The following FAM193A variants were observed in gnomAD, a reference collection of about 807,000 sequenced individuals.
The protein encoded by FAM193A is protein FAM193A.
Under a neutral mutation model 126.5 loss-of-function variants are expected in FAM193A, and 22 were observed. The ratio of observed to expected loss-of-function variants is 0.17; its 90% confidence interval spans 0.12 to 0.25. The LOEUF (loss-of-function observed/expected upper bound fraction) is 0.25, where lower values mean the gene tolerates loss of function less well. Ranked by LOEUF, FAM193A falls within the 10% of genes least tolerant of loss-of-function variation. The pLI, the probability that FAM193A is intolerant of heterozygous loss-of-function variation, is 1.00. For synonymous variants in FAM193A, 761 were observed against 646.8 expected, an observed-to-expected ratio of 1.18 and a Z score of -2.68; for missense variants, 1,675 against 1,672.8, an observed-to-expected ratio of 1.00 and a Z score of -0.02.
intron 2 of FAM193A, among the ~76,000 whole-genome samples, chr4:2,616,727 TTTTG>T (rs1178745351): frequency 6.6e-6 from 1 of 151,690 alleles, no homozygotes; most frequent in East Asian, 2.0e-4. Flanking sequence ...ACCCAGCTAA[TTTTG>T]TTTTTGTATT....
In FAM193A at chr4:2,640,572, G is replaced by A. The variant is rs79781166; in HGVS notation, c.1163+713G>A. On this transcript the variant is annotated intron_variant, in intron 6 of 20. Transcript: ENST00000637812. ...ATGAGCTACCACAGGTCTGCAGTTT[G>A]GTGATTTTGTTCTTTGGTGTTTTAT... Among the ~76,000 whole-genome samples the A allele has an allele frequency of 4.4e-3, 664 of 152,280 alleles. 6 individuals carry two copies. The highest frequency in any genetic ancestry group is 7.4e-3 in the Non-Finnish European group (502 of 68,024).
At chr4:2,662,252 G>A (rs958066357) in intron 10 of FAM193A, among the ~76,000 whole-genome samples, 1 of 152,158 alleles carries the variant, frequency 6.6e-6, no homozygotes, top group African/African-American at 2.4e-5. Flanking sequence ...TAGATGTCTT[G>A]CTAAAGCTGA....
intron 7 of FAM193A, among the ~76,000 whole-genome samples, chr4:2,649,715 T>C (rs563882676): frequency 2.8e-4 from 43 of 152,316 alleles, no homozygotes; most frequent in Admixed American, 7.8e-4. Flanking sequence ...AAATAGTCCC[T>C]GTGTTGGTAT....
At chr4:2,714,068 A>C (rs775803480) in intron 19 of FAM193A, among the ~76,000 whole-genome samples, 9 of 152,314 alleles carry the variant, frequency 5.9e-5, no homozygotes, top group Admixed American at 5.2e-4. Context: ...TCCAGCAGAC[A>C]TGCCAGCTCT....
intron 4 of FAM193A, among the ~76,000 whole-genome samples, chr4:2,629,582 A>G (rs981425995): frequency 1.3e-5 from 2 of 152,212 alleles, no homozygotes; most frequent in African/African-American, 4.8e-5. Flanking sequence ...ACAGGTGACA[A>G]CTTTCTTTTC....
At chr4:2,596,509 G>A (rs1487796586) in intron 2 of FAM193A, among the ~76,000 whole-genome samples, 180 bp downstream of exon 2, 1 of 152,240 alleles carries the variant, frequency 6.6e-6, no homozygotes, top group Non-Finnish European at 1.5e-5. Flanking sequence ...CACTGCAGTA[G>A]GTGGCAGGAC....
chr4:2,586,799 G>A (rs1020103084), intron 1 of FAM193A, among the ~76,000 whole-genome samples: 1 of 152,122 alleles, frequency 6.6e-6, no homozygotes, highest in African/African-American at 2.4e-5. Flanking sequence ...GACTACAGGT[G>A]CATGCCACTA....
intron 5 of FAM193A, among the ~76,000 whole-genome samples, chr4:2,634,822 C>T (rs1195375162): frequency 6.6e-6 from 1 of 152,132 alleles, no homozygotes; most frequent in Non-Finnish European, 1.5e-5. Flanking sequence ...AAACACAGGA[C>T]TTTGTTGAAA....
At chr4:2,539,444 A>G (rs1429152286) in intron 1 of FAM193A, among the ~76,000 whole-genome samples, 2 of 152,136 alleles carry the variant, frequency 1.3e-5, no homozygotes, top group Non-Finnish European at 1.5e-5. Context: ...TAAAAGAGAC[A>G]CGGTCTCTCT....
At chr4:2,706,291 C>CTTTTTTTT (rs59143784) in intron 19 of FAM193A, among the ~76,000 whole-genome samples, 50 of 108,612 alleles carry the variant, frequency 4.6e-4, no homozygotes, top group African/African-American at 8.2e-4. Context: ...TTCTTTCTTT[C>CTTTTTTTT]TTTTTTTTTT....
intron 13 of FAM193A, among the ~76,000 whole-genome samples, chr4:2,683,823 A>G (rs1715431512): frequency 6.6e-6 from 1 of 151,914 alleles, no homozygotes; most frequent in South Asian, 2.1e-4. Flanking sequence ...CAGGTTTTGG[A>G]TGTTTTGTTC....
intron 19 of FAM193A, among the ~76,000 whole-genome samples, chr4:2,708,583 CT>C (rs1301647636): frequency 6.6e-6 from 1 of 152,018 alleles, no homozygotes; most frequent in Non-Finnish European, 1.5e-5. Flanking sequence ...CTGCCTCGGC[CT>C]CCCAAGTAGC....
At chr4:2,551,042 C>T (rs868201635) in intron 1 of FAM193A, among the ~76,000 whole-genome samples, 3 of 151,984 alleles carry the variant, frequency 2.0e-5, no homozygotes, top group East Asian at 1.9e-4. Flanking sequence ...CCTCGTGATC[C>T]GCCTGCCTTG....
intron 13 of FAM193A, 102 bp from the exon 14 acceptor site, chr4:2,689,404 T>A: frequency 1.0e-5 from 8 of 786,516 alleles, no homozygotes; most frequent in East Asian, 3.1e-5. Flanking sequence ...GGCGAGCACA[T>A]CCCATGAGGC....
chr4:2,570,247 T>C (rs1739211603), intron 1 of FAM193A, among the ~76,000 whole-genome samples: 1 of 152,170 alleles, frequency 6.6e-6, no homozygotes, highest in African/African-American at 2.4e-5. Flanking sequence ...CTTGAACAAA[T>C]CATGGTACCC....
intron 12 of FAM193A, among the ~76,000 whole-genome samples, chr4:2,670,904 T>C (rs1310526619): frequency 6.6e-6 from 1 of 152,252 alleles, no homozygotes; most frequent in Non-Finnish European, 1.5e-5. Context: ...GTTTTTGTTA[T>C]TTCCTGGGCT....
intron 1 of FAM193A, among the ~76,000 whole-genome samples, chr4:2,541,591 G>A (rs1737236440): frequency 1.3e-5 from 2 of 150,566 alleles, no homozygotes; most frequent in African/African-American, 2.4e-5. Flanking sequence ...GACTACAGGC[G>A]CGTGCCACCA....
At chr4:2,611,918 G>A (rs984962454) in intron 2 of FAM193A, among the ~76,000 whole-genome samples, 3 of 149,364 alleles carry the variant, frequency 2.0e-5, no homozygotes, top group Non-Finnish European at 4.4e-5. Flanking sequence ...CTCACTGCAA[G>A]CTCCGCCTCC....
chr4:2,638,597 T>C (rs1238132045), intron 5 of FAM193A, among the ~76,000 whole-genome samples: 1 of 152,266 alleles, frequency 6.6e-6, no homozygotes, highest in Non-Finnish European at 1.5e-5. Flanking sequence ...CATTGCTGAA[T>C]CTCTCAATTC....
Sources: gnomAD v4.1 joint callset for allele counts (sites outside exome capture counted in the v4.1 genomes callset) on GRCh38, gnomAD v4.1.1 for gene constraint, MANE v1.5 for transcripts, NCBI Gene and HGNC (gene_info 2026-07-23, HGNC 2026-07-21) for gene names.